PDE7B: variants seen among roughly 807,000 people sequenced by gnomAD.
PDE7B encodes the protein 3',5'-cyclic-AMP phosphodiesterase 7B.
A neutral mutation model predicts 56.2 loss-of-function variants in PDE7B; 29 were observed. The observed-to-expected ratio is 0.52, with a 90% confidence interval of 0.38 to 0.70. PDE7B has a LOEUF of 0.70. PDE7B is among the 30% of genes least tolerant of loss of function. PDE7B has a pLI of 0.00. For missense variants in PDE7B, 490 were observed against 565.0 expected (o/e 0.87, Z 1.35); for synonymous variants, 197 against 196.9 (o/e 1.00, Z 0.00).
chr6:136,051,840 C>T (rs540299913), intron 2 of PDE7B, among the ~76,000 whole-genome samples: 1 of 152,080 alleles, frequency 6.6e-6, no homozygotes, highest in African/African-American at 2.4e-5. Context: ...CATTGCCCAC[C>T]ACAACAATAT....
At chr6:135,861,526 T>A (rs1775146292) in intron 1 of PDE7B, among the ~76,000 whole-genome samples, 1 of 149,628 alleles carries the variant, frequency 6.7e-6, no homozygotes, top group African/African-American at 2.4e-5. Flanking sequence ...TATATATATA[T>A]AATAAACATA....
intron 2 of PDE7B, 124 bp from the exon 3 acceptor site, chr6:136,108,607 G>A: frequency 2.8e-6 from 2 of 722,350 alleles, no homozygotes; most frequent in Non-Finnish European, 5.1e-6. Flanking sequence ...GCACTCTTCA[G>A]TATGGTGAAT....
At chr6:136,085,724 G>A (rs1208088763) in intron 2 of PDE7B, among the ~76,000 whole-genome samples, 3 of 152,190 alleles carry the variant, frequency 2.0e-5, no homozygotes, top group Non-Finnish European at 2.9e-5. Flanking sequence ...AGGAATTTAC[G>A]AAGCTCTCAC....
intron 3 of PDE7B, among the ~76,000 whole-genome samples, chr6:136,142,774 C>T (rs979100506): frequency 2.0e-5 from 3 of 152,026 alleles, no homozygotes; most frequent in African/African-American, 7.2e-5. Context: ...GGATTGCAAC[C>T]CCTGCCTTTT....
At chr6:135,969,941 A>C (rs918671397) in intron 2 of PDE7B, among the ~76,000 whole-genome samples, 41 of 152,196 alleles carry the variant, frequency 2.7e-4, no homozygotes, top group African/African-American at 9.7e-4. Context: ...GAACTAGTGA[A>C]GTGCCATGCT....
intron 2 of PDE7B, among the ~76,000 whole-genome samples, chr6:136,005,500 A>G (rs1191807923): frequency 1.3e-5 from 2 of 152,236 alleles, no homozygotes; most frequent in East Asian, 3.8e-4. Flanking sequence ...ACTCCAACAA[A>G]TTTACAAGAA....
chr6:136,003,033 C>T (rs1485671705), intron 2 of PDE7B, among the ~76,000 whole-genome samples: 2 of 151,746 alleles, frequency 1.3e-5, no homozygotes, highest in African/African-American at 4.8e-5. Context: ...AACTAGAACT[C>T]AGGATTAAGA....
chr6:136,034,207 A>G (rs1776288546), intron 2 of PDE7B: 2 of 152,218 alleles, frequency 1.3e-5, no homozygotes, highest in African/African-American at 2.4e-5. Context: ...GCCTTATTTT[A>G]CAAATCATGT....
chr6:136,022,973 G>A (rs1211707259), intron 2 of PDE7B, among the ~76,000 whole-genome samples: 10 of 151,968 alleles, frequency 6.6e-5, no homozygotes, highest in Non-Finnish European at 1.0e-4. Context: ...AAGAAAGGGA[G>A]AGAGAGAAAC....
At chr6:136,176,798 G>A (rs1432377447) in intron 9 of PDE7B, among the ~76,000 whole-genome samples, 1 of 152,036 alleles carries the variant, frequency 6.6e-6, no homozygotes, top group East Asian at 1.9e-4. Context: ...ATAGCATTGG[G>A]TATTACAATC....
intron 8 of PDE7B, among the ~76,000 whole-genome samples, chr6:136,168,937 T>A (rs1243263148): frequency 6.6e-6 from 1 of 152,132 alleles, no homozygotes; most frequent in Non-Finnish European, 1.5e-5. Flanking sequence ...TTCCAGGTAT[T>A]TATCAGCTTG....
At chr6:136,038,193 GCAGCAGCAGCAGAAGCAGAAA>G (rs1194265489) in intron 2 of PDE7B, 4 of 1,298,740 alleles carry the variant, frequency 3.1e-6, no homozygotes, top group South Asian at 1.2e-5. Context: ...GGTAGCAGCA[GCAGCAGCAGCAGAAGCAGAAA>G]CAGCAGCAGC....
intron 1 of PDE7B, among the ~76,000 whole-genome samples, chr6:135,891,645 C>T (rs1457144146): frequency 1.3e-5 from 2 of 152,184 alleles, no homozygotes; most frequent in Admixed American, 6.5e-5. Context: ...GGCTCCACTG[C>T]CAGCCATTTT....
intron 8 of PDE7B, chr6:136,165,414 T>G (rs1281496992): frequency 1.3e-5 from 2 of 151,970 alleles, no homozygotes; most frequent in Admixed American, 1.3e-4. Context: ...GAAAAGGCCC[T>G]CTCTCATTAG....
rs547915482 is a variant in PDE7B, at chr6:135,987,798, A to G, written c.82+40274A>G. ...CTAATAAATACATGAGAAGATGAAC[A>G]TTTGCTGAAGAGGAAGCAAATAATA... On this transcript the variant is annotated intron_variant, in intron 2 of 12. Transcript: ENST00000308191. Among the ~76,000 whole-genome samples, 180 of 152,252 alleles carry G rather than the reference A, an allele frequency of 1.2e-3. 1 individual carries two copies. The highest frequency in any genetic ancestry group is 4.2e-3 in the African/African-American group (173 of 41,518).
intron 1 of PDE7B, among the ~76,000 whole-genome samples, chr6:135,942,148 A>C (rs546596257): frequency 6.6e-6 from 1 of 152,154 alleles, no homozygotes; most frequent in African/African-American, 2.4e-5. Context: ...AAAGAGGTTC[A>C]TTTAATACTT....
At chr6:135,937,431 T>G (rs1225971641) in intron 1 of PDE7B, among the ~76,000 whole-genome samples, 1 of 152,168 alleles carries the variant, frequency 6.6e-6, no homozygotes, top group African/African-American at 2.4e-5. Context: ...CCCATTCCCT[T>G]CTAGCCATTC....
At chr6:135,943,354 T>C (rs543442934) in intron 1 of PDE7B, among the ~76,000 whole-genome samples, 68 of 152,320 alleles carry the variant, frequency 4.5e-4, no homozygotes, top group Non-Finnish European at 7.6e-4. Context: ...AGGATTTGAA[T>C]TTTGATCAGT....
intron 1 of PDE7B, among the ~76,000 whole-genome samples, chr6:135,945,092 C>G (rs909258064): frequency 6.4e-5 from 8 of 124,980 alleles, no homozygotes; most frequent in Non-Finnish European, 1.4e-4. Flanking sequence ...AACATAATCA[C>G]TTTAAAATAC....
Sources: gnomAD v4.1 joint callset for allele counts (sites outside exome capture counted in the v4.1 genomes callset) on GRCh38, gnomAD v4.1.1 for gene constraint, MANE v1.5 for transcripts, NCBI Gene and HGNC (gene_info 2026-07-23, HGNC 2026-07-21) for gene names.